LUZP2: variants seen among roughly 807,000 people sequenced by gnomAD.
LUZP2 encodes leucine zipper protein 2.
Under a neutral mutation model 51.6 loss-of-function variants are expected in LUZP2, and 52 were observed. The ratio of observed to expected loss-of-function variants is 1.01; its 90% CI spans 0.81 to 1.27. The LOEUF is 1.27. LUZP2 is among the 50% of genes most tolerant of loss of function. The pLI is 0.00. For synonymous variants in LUZP2, 154 were observed against 137.3 expected, an observed-to-expected ratio of 1.12 and a Z score of -0.85; for missense variants, 436 against 395.4, an observed-to-expected ratio of 1.10 and a Z score of -0.87.
intron 5 of LUZP2, among the ~76,000 whole-genome samples, chr11:24,827,556 T>A (rs1370938220): frequency 1.3e-5 from 2 of 152,042 alleles, no homozygotes; most frequent in Non-Finnish European, 2.9e-5. Context: ...TTCAAAGGTC[T>A]TGAAACTTGA....
chr11:24,916,022 G>T (rs1487257674), intron 7 of LUZP2, among the ~76,000 whole-genome samples: 1 of 151,672 alleles, frequency 6.6e-6, no homozygotes, highest in Non-Finnish European at 1.5e-5. Flanking sequence ...TTTAGTAAAT[G>T]TAGACTTTGA....
At chr11:24,972,910 G>A (rs1431311681) in intron 7 of LUZP2, among the ~76,000 whole-genome samples, 6 of 151,966 alleles carry the variant, frequency 3.9e-5, no homozygotes, top group African/African-American at 1.4e-4. Flanking sequence ...TGTCTGCCAC[G>A]TTTTGGTGTC....
At chr11:24,560,101 C>A (rs1272089968) in intron 1 of LUZP2, among the ~76,000 whole-genome samples, 1 of 152,112 alleles carries the variant, frequency 6.6e-6, no homozygotes, top group Non-Finnish European at 1.5e-5. Flanking sequence ...TCTGCACATG[C>A]ACCCCAGTGT....
chr11:24,785,581 A>T (rs1284473211), intron 5 of LUZP2, among the ~76,000 whole-genome samples: 1 of 152,012 alleles, frequency 6.6e-6, no homozygotes, highest in Non-Finnish European at 1.5e-5. Context: ...GAAGAGTATG[A>T]CATTTCATTA....
In LUZP2 at chr11:25,080,144, G is replaced by GT. The variant is rs1328227344; in HGVS notation, c.*1492dup. On this transcript the variant is annotated 3_prime_UTR_variant, in exon 12 of 12. Coordinates refer to ENST00000336930, the MANE Select transcript of LUZP2 (RefSeq NM_001009909.4). ...CCAACCACAATGGTTCAACTTAACG[G>GT]TTTTTTCATGATTCTGTGAAAGCTT... is the stretch of plus-strand genomic sequence containing the variant. The GT allele has an allele frequency of 6.6e-6, 1 of 152,082 alleles. No individual in the cohort carries two copies. 9.4% of individuals were successfully genotyped at this position (152,082 alleles called of 1,614,324 possible).
At chr11:24,816,423 A>C (rs182073428) in intron 5 of LUZP2, among the ~76,000 whole-genome samples, 161 of 152,282 alleles carry the variant, frequency 1.1e-3, no homozygotes, top group African/African-American at 3.7e-3. Flanking sequence ...ATGTGAAAAA[A>C]TATAGTCATG....
intron 1 of LUZP2, among the ~76,000 whole-genome samples, chr11:24,671,908 CCTTTTT>C (rs1372953814): frequency 5.9e-5 from 9 of 152,186 alleles, no homozygotes; most frequent in African/African-American, 1.4e-4. Context: ...ACATTTACTT[CCTTTTT>C]CTTTTTCTTT....
intron 9 of LUZP2, among the ~76,000 whole-genome samples, chr11:24,990,860 G>A (rs926376424): frequency 2.0e-5 from 3 of 151,644 alleles, no homozygotes; most frequent in Non-Finnish European, 4.4e-5. Flanking sequence ...CATAATGCTG[G>A]TGAACTTCTA....
chr11:24,893,266 T>C (rs1390354796), intron 5 of LUZP2: 1 of 152,054 alleles, frequency 6.6e-6, no homozygotes, highest in Non-Finnish European at 1.5e-5. Context: ...TTTTCAGCAC[T>C]GGACACACAG....
chr11:25,029,991 A>G (rs1246816286), intron 9 of LUZP2, among the ~76,000 whole-genome samples: 1 of 152,112 alleles, frequency 6.6e-6, no homozygotes, highest in Non-Finnish European at 1.5e-5. Context: ...GCACACATAG[A>G]TTTACCAACC....
At chr11:24,948,338 A>G (rs1177202004) in intron 7 of LUZP2, among the ~76,000 whole-genome samples, 1 of 151,430 alleles carries the variant, frequency 6.6e-6, no homozygotes, top group African/African-American at 2.4e-5. Flanking sequence ...CCTTCATTTA[A>G]TTACTTAAAT....
intron 1 of LUZP2, among the ~76,000 whole-genome samples, chr11:24,566,292 TTTA>T (rs1218858603): frequency 5.4e-5 from 8 of 149,522 alleles, no homozygotes; most frequent in Admixed American, 1.3e-4. Context: ...TAAAACATTA[TTTA>T]TTATTTATTT....
chr11:24,529,067 C>T (rs1382440699), intron 1 of LUZP2, among the ~76,000 whole-genome samples: 1 of 150,952 alleles, frequency 6.6e-6, no homozygotes, highest in Non-Finnish European at 1.5e-5. Flanking sequence ...CAGGCACTTG[C>T]TGTCCTTTAA....
At chr11:24,948,733 A>G (rs1854974064) in intron 7 of LUZP2, among the ~76,000 whole-genome samples, 2 of 151,686 alleles carry the variant, frequency 1.3e-5, no homozygotes, top group Admixed American at 6.6e-5. Context: ...AACAGGGATA[A>G]GAAGATCCAG....
intron 9 of LUZP2, among the ~76,000 whole-genome samples, chr11:25,022,231 T>C (rs1048491011): frequency 1.4e-4 from 21 of 152,064 alleles, no homozygotes; most frequent in African/African-American, 3.6e-4. Flanking sequence ...TCATTATAAT[T>C]ATTCAAATTG....
intron 6 of LUZP2, among the ~76,000 whole-genome samples, chr11:24,912,533 G>A (rs185445067): frequency 1.3e-4 from 20 of 152,270 alleles, no homozygotes; most frequent in African/African-American, 4.1e-4. Context: ...CTGGGGCTGG[G>A]CATGGTGGCT....
intron 9 of LUZP2, among the ~76,000 whole-genome samples, chr11:25,015,925 T>A (rs1420255433): frequency 6.6e-6 from 1 of 150,822 alleles, no homozygotes; most frequent in Non-Finnish European, 1.5e-5. Flanking sequence ...TTTTTACTTA[T>A]TTATTTTTTT....
At chr11:24,511,170 T>C (rs983324359) in intron 1 of LUZP2, among the ~76,000 whole-genome samples, 4 of 152,204 alleles carry the variant, frequency 2.6e-5, no homozygotes, top group African/African-American at 9.7e-5. Context: ...TGTAATTCTC[T>C]GCTATGTAAG....
chr11:24,669,622 G>A (rs1423896625), intron 1 of LUZP2, among the ~76,000 whole-genome samples: 1 of 151,990 alleles, frequency 6.6e-6, no homozygotes, highest in Non-Finnish European at 1.5e-5. Flanking sequence ...TGGAGGAGAA[G>A]AGAGCACATT....
Sources: gnomAD v4.1 joint callset for allele counts (sites outside exome capture counted in the v4.1 genomes callset) on GRCh38, gnomAD v4.1.1 for gene constraint, MANE v1.5 for transcripts, NCBI Gene and HGNC (gene_info 2026-07-23, HGNC 2026-07-21) for gene names.